Variants in SDHA observed in about 807,000 individuals in gnomAD.
SDHA encodes the protein succinate dehydrogenase [ubiquinone] flavoprotein subunit, mitochondrial.
In SDHA, 48 loss-of-function variants were observed where a neutral mutation model predicts 78.4. The observed-to-expected ratio is 0.61, with a 90% CI of 0.49 to 0.78. SDHA has a LOEUF of 0.78. SDHA is among the 30% of genes least tolerant of loss of function. The probability of loss-of-function intolerance (pLI) is 0.00; values close to 1 mark genes in which losing one functional copy is unlikely to be tolerated. For synonymous variants in SDHA, 326 were observed against 353.9 expected, an observed-to-expected ratio of 0.92 and a Z score of 0.88; for missense variants, 680 against 892.7, an observed-to-expected ratio of 0.76 and a Z score of 3.04.
intron 13 of SDHA, among the ~76,000 whole-genome samples, chr5:253,644 G>A (rs552528349): frequency 1.2e-3 from 189 of 152,016 alleles, no homozygotes; most frequent in African/African-American, 4.1e-3. Flanking sequence ...CATATTGGCC[G>A]GGCTGGTCTC....
intron 7 of SDHA, 75 bp from the exon 8 acceptor site, chr5:233,402 G>T: frequency 6.6e-7 from 1 of 1,521,438 alleles, no homozygotes; most frequent in Non-Finnish European, 9.1e-7. Flanking sequence ...CCCAAAAAAT[G>T]TCTTGAAAAA....
intron 5 of SDHA, chr5:227,676 T>A (rs1735124928): frequency 4.5e-6 from 1 of 222,958 alleles, no homozygotes; most frequent in Non-Finnish European, 9.0e-6. Context: ...CGCCTACCTT[T>A]CTGCGGTGCC....
At chr5:229,445 T>C (rs565100215) in intron 6 of SDHA, among the ~76,000 whole-genome samples, 4 of 152,296 alleles carry the variant, frequency 2.6e-5, no homozygotes, top group Admixed American at 6.5e-5. Context: ...AATCCTGTCA[T>C]GTGTGACAAC....
chr5:239,037 T>C (rs1158573012), intron 10 of SDHA, among the ~76,000 whole-genome samples: 1 of 150,952 alleles, frequency 6.6e-6, no homozygotes, highest in East Asian at 1.9e-4. Context: ...GATCAATTTT[T>C]AAAGCATTAT....
rs1313872451 is a variant in SDHA at position 234,391 on chromosome 5, C to T, written c.1064+746C>T. 4 of 140,340 alleles carry T rather than the reference C, an allele frequency of 2.9e-5. No homozygotes were observed. The East Asian group carries it at 6.2e-4, about 22-fold the overall frequency. The allele number at this position is 140,340 out of a possible 1,614,324, so 8.7% of individuals were successfully genotyped here. ...CTGAGATCACACCACTGCACTCCAG[C>T]CTGGGCGACAGAGCAACACTCTGTC... On this transcript the variant is annotated intron_variant, in intron 8 of 14. Coordinates refer to ENST00000264932, the MANE Select transcript of SDHA (RefSeq NM_004168.4).
intron 11 of SDHA, among the ~76,000 whole-genome samples, chr5:241,925 A>C (rs10060206): frequency 6.6e-6 from 1 of 152,098 alleles, no homozygotes; most frequent in Non-Finnish European, 1.5e-5. Flanking sequence ...TGGGAAAGAA[A>C]GAACCATTGC....
chr5:224,541 C>A lies in SDHA; in HGVS notation c.312+20C>A, dbSNP rs111533078. The A allele has an allele frequency of 7.4e-6, 11 of 1,477,200 alleles. No individual in the cohort carries two copies. Among genetic ancestry groups the A allele is most frequent in the Non-Finnish European group, 8.5e-6 (9 of 1,062,286 alleles). 91.5% of individuals were successfully genotyped at this position (1,477,200 alleles called of 1,614,324 possible). On this transcript the variant is annotated intron_variant, in intron 3 of 14. Transcript: ENST00000264932. ...GCACAGGTAAGAGAAAGGTGCCCCA[C>A]TGTGCTCCCACTCCGTGCAGGTCCC...
chr5:218,462 G>C, intron 1 of SDHA, 44 bp downstream of exon 1: 1 of 1,329,156 alleles, frequency 7.5e-7, no homozygotes, highest in Non-Finnish European at 9.7e-7. Flanking sequence ...CGGGGGCCGA[G>C]GCGGCGGTAG....
At chr5:221,948 G>A (rs1334011818) in intron 1 of SDHA, among the ~76,000 whole-genome samples, 2 of 152,084 alleles carry the variant, frequency 1.3e-5, no homozygotes, top group South Asian at 2.1e-4. Flanking sequence ...TAGAAAGAAC[G>A]AATAAACATT....
intron 2 of SDHA, among the ~76,000 whole-genome samples, chr5:224,006 T>C (rs1175573941): frequency 1.3e-5 from 2 of 152,158 alleles, no homozygotes; most frequent in African/African-American, 4.8e-5. Flanking sequence ...GTTGAAAAAC[T>C]GAAACTTGCT....
chr5:251,605 G>A, intron 13 of SDHA, 137 bp downstream of exon 13: 1 of 1,546,688 alleles, frequency 6.5e-7, no homozygotes, highest in South Asian at 1.2e-5. Context: ...TTCCCCCCTG[G>A]TAACTTTGAT....
chr5:218,714 C>A (rs1283906417), intron 1 of SDHA, among the ~76,000 whole-genome samples: 4 of 143,306 alleles, frequency 2.8e-5, no homozygotes, highest in African/African-American at 9.8e-5. Flanking sequence ...GGTCCTGGGA[C>A]CCCGCGGGCT....
chr5:238,271 ACT>A (rs1735907560), intron 10 of SDHA, among the ~76,000 whole-genome samples: 1 of 151,568 alleles, frequency 6.6e-6, no homozygotes, highest in African/African-American at 2.4e-5. Context: ...TACAGACACA[ACT>A]CTGTGTGTGT....
At chr5:239,525 C>T (rs1579415792) in intron 10 of SDHA, among the ~76,000 whole-genome samples, 1 of 151,056 alleles carries the variant, frequency 6.6e-6, no homozygotes, top group Non-Finnish European at 1.5e-5. Flanking sequence ...CCACTGACTG[C>T]ACTCCAACCT....
At chr5:264,423 G>A in the SDHA span, among the ~76,000 whole-genome samples, 1 of 152,206 alleles carries the variant, frequency 6.6e-6, no homozygotes, top group African/African-American at 2.4e-5. Flanking sequence ...GGGTGTCTGG[G>A]AGCCGGATCC....
At chr5:222,739 T>A (rs1374817848) in intron 1 of SDHA, among the ~76,000 whole-genome samples, 1 of 152,192 alleles carries the variant, frequency 6.6e-6, no homozygotes, top group East Asian at 1.9e-4. Context: ...CTGGCCAACC[T>A]TAGCATATGG....
intron 14 of SDHA, among the ~76,000 whole-genome samples, chr5:255,948 T>C (rs1306635800): frequency 6.6e-6 from 1 of 152,264 alleles, no homozygotes; most frequent in East Asian, 1.9e-4. Flanking sequence ...GTTCAGACTT[T>C]GGAATATTTG....
In SDHA at chr5:240,491, T is replaced by C. The variant is rs1336452782; in HGVS notation, c.1551+15T>C. 1.9e-6 allele frequency: 3 copies of C among 1,543,640 alleles called. No individual in the cohort carries two copies. The South Asian group carries it at 3.3e-5, about 17-fold the overall frequency. On this transcript the variant is annotated intron_variant, in intron 11 of 14. Transcript: ENST00000264932. ...GCATGCAGAAGGTAAGAGCCTGGAC[T>C]CGCTCTGGAGTGAGCAGGAGGGCTG...
chr5:248,422 G>A (rs1223513537), intron 11 of SDHA, among the ~76,000 whole-genome samples: 6 of 152,328 alleles, frequency 3.9e-5, no homozygotes, highest in African/African-American at 1.4e-4. Flanking sequence ...AATGGTAGCT[G>A]TGATAGCAGT....
Sources: allele counts gnomAD v4.1 joint callset (sites outside exome capture counted in the v4.1 genomes callset), GRCh38; gene constraint gnomAD v4.1.1; transcripts MANE v1.5; gene names NCBI Gene and HGNC (gene_info 2026-07-23, HGNC 2026-07-21).